Variants in GFRA1 observed in about 807,000 individuals in gnomAD.
GFRA1 encodes GDNF family receptor alpha-1.
Under a neutral mutation model 51.6 loss-of-function variants are expected in GFRA1, and 16 were observed. That is an observed-to-expected ratio of 0.31 (90% CI 0.21 to 0.47). GFRA1 has a LOEUF of 0.47. Ranked by LOEUF, GFRA1 falls within the 20% of genes least tolerant of loss-of-function variation. GFRA1 has a pLI of 1.00. For synonymous variants in GFRA1, 270 were observed against 241.3 expected, an observed-to-expected ratio of 1.12 and a Z score of -1.10; for missense variants, 530 against 594.3, an observed-to-expected ratio of 0.89 and a Z score of 1.13.
At chr10:116,167,361 G>C (rs1426103887) in intron 5 of GFRA1, among the ~76,000 whole-genome samples, 2 of 151,986 alleles carry the variant, frequency 1.3e-5, no homozygotes, top group African/African-American at 4.8e-5. Context: ...TTTCTCCTTG[G>C]AACAACTCTA....
intron 4 of GFRA1, among the ~76,000 whole-genome samples, chr10:116,219,886 A>G (rs1053645145): frequency 1.2e-4 from 18 of 152,180 alleles, no homozygotes; most frequent in African/African-American, 3.9e-4. Context: ...ACAGTTGTCT[A>G]AACATCTGGA....
chr10:116,161,913 C>T lies in GFRA1; in HGVS notation c.434-36356G>A, dbSNP rs78488521. Among the ~76,000 whole-genome samples, 894 of 152,346 alleles carry T rather than the reference C, an allele frequency of 5.9e-3. 9 individuals carry two copies. Among genetic ancestry groups the T allele is most frequent in the African/African-American group, 0.021 (856 of 41,576 alleles). On this transcript the variant is annotated intron_variant, in intron 5 of 10. Transcript: ENST00000355422. Reference sequence around the variant, plus strand: ...TATAGGCCAATGTTCAAATGGGCCACTTGGCCCTGTACAAACAAGAAGCAC... The same window carrying T: ...TATAGGCCAATGTTCAAATGGGCCATTTGGCCCTGTACAAACAAGAAGCAC...
chr10:116,265,032 C>T (rs2577355), intron 4 of GFRA1, among the ~76,000 whole-genome samples: 110,622 of 152,132 alleles, frequency 0.73, 40,296 homozygotes, highest in East Asian at 0.9. Flanking sequence ...TTAAATATGA[C>T]GGTGCATTTG....
chr10:116,142,369 C>A (rs542564416), intron 5 of GFRA1, among the ~76,000 whole-genome samples: 1 of 152,296 alleles, frequency 6.6e-6, no homozygotes, highest in South Asian at 2.1e-4. Context: ...AAGCCCTGTG[C>A]ATCTTTCAGT....
chr10:116,115,815 C>A (rs563698746), intron 6 of GFRA1, among the ~76,000 whole-genome samples: 1 of 152,276 alleles, frequency 6.6e-6, no homozygotes, highest in African/African-American at 2.4e-5. Context: ...GAGGGGCTTG[C>A]AGCTGGTGTA....
chr10:116,113,177 C>T (rs1957279433), intron 6 of GFRA1, among the ~76,000 whole-genome samples: 1 of 110,398 alleles, frequency 9.1e-6, no homozygotes, highest in African/African-American at 3.9e-5. Context: ...TGCCACACTT[C>T]TCCCTAATTT....
intron 5 of GFRA1, among the ~76,000 whole-genome samples, chr10:116,165,299 T>G (rs569358957): frequency 3.9e-5 from 6 of 152,206 alleles, no homozygotes; most frequent in Non-Finnish European, 5.9e-5. Flanking sequence ...ATCCTCCCCC[T>G]ATTGTGGATA....
At chr10:116,229,128 C>T (rs1486680179) in intron 4 of GFRA1, among the ~76,000 whole-genome samples, 1 of 152,020 alleles carries the variant, frequency 6.6e-6, no homozygotes, top group Non-Finnish European at 1.5e-5. Flanking sequence ...CCATGTTGGA[C>T]CTCTGGCCTA....
At chr10:116,101,833 C>T (rs574224081) in intron 6 of GFRA1, among the ~76,000 whole-genome samples, 38 of 152,308 alleles carry the variant, frequency 2.5e-4, no homozygotes, top group South Asian at 1.0e-3. Flanking sequence ...CAGGCTCCGA[C>T]TCATGAACCA....
intron 9 of GFRA1, among the ~76,000 whole-genome samples, chr10:116,084,757 AAGTAACAC>A (rs1217458117): frequency 4.5e-4 from 47 of 104,900 alleles, no homozygotes; most frequent in East Asian, 2.2e-4. Context: ...TACTTTAAAT[AAGTAACAC>A]ACACACACAC....
intron 6 of GFRA1, among the ~76,000 whole-genome samples, chr10:116,111,691 C>A (rs1957219611): frequency 6.6e-6 from 1 of 152,198 alleles, no homozygotes; most frequent in South Asian, 2.1e-4. Context: ...ACCTGGCCAA[C>A]ATTCTCTAAG....
chr10:116,096,875 GCACA>G (rs757516182), intron 6 of GFRA1, 111 bp from the exon 7 acceptor site: 67 of 474,136 alleles, frequency 1.4e-4, no homozygotes, highest in African/African-American at 1.0e-3. Flanking sequence ...TTCTGCACAC[GCACA>G]CGCACACACA....
At chr10:116,256,620 G>T (rs2134731777) in intron 4 of GFRA1, among the ~76,000 whole-genome samples, 1 of 151,048 alleles carries the variant, frequency 6.6e-6, no homozygotes, top group South Asian at 2.1e-4. Flanking sequence ...CCCTCAAGCA[G>T]GTGCTCCCTG....
intron 6 of GFRA1, among the ~76,000 whole-genome samples, chr10:116,120,137 C>A (rs756744894): frequency 5.9e-5 from 9 of 152,198 alleles, no homozygotes; most frequent in Non-Finnish European, 1.0e-4. Flanking sequence ...GAGAGTTGGA[C>A]ACCAGGAAGA....
intron 9 of GFRA1, 38 bp from the exon 10 acceptor site, chr10:116,065,664 A>G (rs1273272871): frequency 3.3e-6 from 5 of 1,535,016 alleles, no homozygotes; most frequent in African/African-American, 1.4e-5. Flanking sequence ...CAAACATAAT[A>G]CAGAAGAGTA....
Position 116,096,742 on chromosome 10 carries a change from TA to T in GFRA1, c.792del (p.Phe264LeufsTer15). The T allele has an allele frequency of 1.9e-6, 3 of 1,596,888 alleles. No homozygotes were observed. Among genetic ancestry groups the T allele is most frequent in the Non-Finnish European group, 2.6e-6 (3 of 1,171,802 alleles). ...YICRSRLADFFTNCQPESRSV... is the reference protein window; with the variant it reads ...YICRSRLADFXTNCQPESRSV... ...GACCTTGACTCTGGCTGGCAGTTGG[TA>T]AAAAAATCCGCAAGGCGAGATCTAC... On this transcript the variant is annotated frameshift_variant, in exon 7 of 11. Transcript: ENST00000355422. LOFTEE classifies it high-confidence loss of function.
At chr10:116,169,955 C>T (rs892210620) in intron 5 of GFRA1, among the ~76,000 whole-genome samples, 1 of 152,144 alleles carries the variant, frequency 6.6e-6, no homozygotes, top group African/African-American at 2.4e-5. Context: ...TTGCTGTGGG[C>T]TGGTATGGGG....
rs1954987241 is a variant in GFRA1 at position 116,064,291 on chromosome 10, T to G, written c.*107A>C. 1 of 964,030 alleles carries G rather than the reference T, an allele frequency of 1.0e-6. No individual in the cohort carries two copies. Among genetic ancestry groups the G allele is most frequent in the Admixed American group, 2.0e-5 (1 of 50,158 alleles). The allele number at this position is 964,030 out of a possible 1,614,324, so 59.7% of individuals were successfully genotyped here. On this transcript the variant is annotated 3_prime_UTR_variant, in exon 11 of 11. Coordinates refer to ENST00000355422, the MANE Select transcript of GFRA1 (RefSeq NM_005264.8). Reference sequence around the variant, plus strand: ...AAATGTTCCAGTTGAATGGAACTGTTTCTCAACTGAGCTCCTAAACTGGAA... The same window carrying G: ...AAATGTTCCAGTTGAATGGAACTGTGTCTCAACTGAGCTCCTAAACTGGAA...
At chr10:116,079,103 G>A (rs1955740164) in intron 9 of GFRA1, among the ~76,000 whole-genome samples, 1 of 151,968 alleles carries the variant, frequency 6.6e-6, no homozygotes, top group African/African-American at 2.4e-5. Context: ...ACACCAGAAG[G>A]TGATGGTGTG....
Sources: allele counts gnomAD v4.1 joint callset (sites outside exome capture counted in the v4.1 genomes callset), GRCh38; gene constraint gnomAD v4.1.1; transcripts MANE v1.5; gene names NCBI Gene and HGNC (gene_info 2026-07-23, HGNC 2026-07-21).